RNF38: variants seen among roughly 807,000 people sequenced by gnomAD.
RNF38 encodes ring finger protein 38.
A neutral mutation model predicts 67.2 loss-of-function variants in RNF38; 15 were observed. That is an observed-to-expected ratio of 0.22 (90% CI 0.15 to 0.34). The LOEUF (loss-of-function observed/expected upper bound fraction) is 0.34, where lower values mean the gene tolerates loss of function less well. Ranked by LOEUF, RNF38 falls within the 10% of genes least tolerant of loss-of-function variation. The probability of loss-of-function intolerance (pLI) is 1.00; values close to 1 mark genes in which losing one functional copy is unlikely to be tolerated. For synonymous variants in RNF38, 220 were observed against 218.8 expected, an observed-to-expected ratio of 1.01 and a Z score of -0.05; for missense variants, 524 against 639.9, an observed-to-expected ratio of 0.82 and a Z score of 1.95.
chr9:36,456,068 C>A (rs1839588768), intron 1 of RNF38, among the ~76,000 whole-genome samples: 1 of 151,960 alleles, frequency 6.6e-6, no homozygotes, highest in African/African-American at 2.4e-5. Context: ...GATAACAATC[C>A]AATAAATAAT....
At chr9:36,381,121 T>C (rs943527943) in intron 2 of RNF38, among the ~76,000 whole-genome samples, 1 of 152,192 alleles carries the variant, frequency 6.6e-6, no homozygotes, top group African/African-American at 2.4e-5. Context: ...TCACACCCTA[T>C]TTGGGGTTCA....
Position 36,363,952 on chromosome 9 carries a change from G to C in RNF38, c.570+5767C>G, listed in dbSNP as rs1834746774. ...GGGTTCAAGCATTTCTCCTGCCTCA[G>C]ACTCCCGAGTACCTGGGATAGGCAC... On this transcript the variant is annotated intron_variant, in intron 4 of 11. Coordinates refer to ENST00000259605, the MANE Select transcript of RNF38 (RefSeq NM_022781.5). 2.3e-5 allele frequency among the ~76,000 whole-genome samples: 2 copies of C among 85,190 alleles called. 1 individual carries two copies. The highest frequency in any genetic ancestry group is 2.3e-4 in the Admixed American group (2 of 8,826). 55.9% of individuals were successfully genotyped at this position (85,190 alleles called of 152,430 possible).
At chr9:36,472,388 T>C (rs1054342614) in intron 1 of RNF38, among the ~76,000 whole-genome samples, 1 of 152,216 alleles carries the variant, frequency 6.6e-6, no homozygotes, top group Admixed American at 6.5e-5. Flanking sequence ...CTCTAACCCA[T>C]AGCCCAGGAT....
intron 1 of RNF38, among the ~76,000 whole-genome samples, chr9:36,482,686 CA>C (rs1354647881): frequency 6.6e-6 from 1 of 152,148 alleles, no homozygotes; most frequent in Non-Finnish European, 1.5e-5. Context: ...TTATTCTGTA[CA>C]TATTTCTCCA....
At chr9:36,445,858 T>C (rs1002488170) in intron 1 of RNF38, among the ~76,000 whole-genome samples, 1 of 152,030 alleles carries the variant, frequency 6.6e-6, no homozygotes, top group South Asian at 2.1e-4. Flanking sequence ...TAGGGAAAAA[T>C]GTATTCAGAT....
intron 3 of RNF38, among the ~76,000 whole-genome samples, chr9:36,371,578 C>T (rs1216575634): frequency 6.6e-6 from 1 of 151,648 alleles, no homozygotes; most frequent in Admixed American, 6.6e-5. Context: ...TCCCAAGTAG[C>T]TGGGATTACA....
At chr9:36,435,096 T>C (rs1490878964) in intron 1 of RNF38, among the ~76,000 whole-genome samples, 1 of 152,100 alleles carries the variant, frequency 6.6e-6, no homozygotes, top group Non-Finnish European at 1.5e-5. Context: ...GCCACCACTG[T>C]GGAAAAAAGT....
chr9:36,356,114 T>C (rs1452249251), intron 6 of RNF38, among the ~76,000 whole-genome samples, 189 bp downstream of exon 6: 2 of 152,212 alleles, frequency 1.3e-5, no homozygotes, highest in Non-Finnish European at 2.9e-5. Context: ...CCCAGGGTGC[T>C]GGGATTACAG....
intron 4 of RNF38, among the ~76,000 whole-genome samples, chr9:36,360,080 C>T (rs1834412208): frequency 6.6e-6 from 1 of 151,962 alleles, no homozygotes; most frequent in Non-Finnish European, 1.5e-5. Flanking sequence ...AACATTATGC[C>T]ATTACGTTGA....
chr9:36,343,348 TTTTTGAAGATAA>T (rs1430157291), intron 10 of RNF38, among the ~76,000 whole-genome samples: 1 of 152,186 alleles, frequency 6.6e-6, no homozygotes, highest in Non-Finnish European at 1.5e-5. Context: ...AGAGAAGACA[TTTTTGAAGATAA>T]TTTATCTGGT....
chr9:36,400,734 G>A, upstream of RNF38: 1 of 985,618 alleles, frequency 1.0e-6, no homozygotes, highest in Non-Finnish European at 1.2e-6. Flanking sequence ...CTTCCTCCCG[G>A]CACCATCACA....
chr9:36,474,857 C>T (rs967178692), intron 1 of RNF38, among the ~76,000 whole-genome samples: 2 of 147,594 alleles, frequency 1.4e-5, no homozygotes. Flanking sequence ...AAATCACACA[C>T]AGGGCCGGGC....
intron 2 of RNF38, among the ~76,000 whole-genome samples, chr9:36,422,562 C>G (rs372864132): frequency 4.7e-4 from 71 of 152,360 alleles, no homozygotes; most frequent in Middle Eastern, 3.4e-3. Flanking sequence ...TGCCTAGACA[C>G]ATAGCTACCT....
At chr9:36,452,781 C>T (rs1208411788) in intron 1 of RNF38, among the ~76,000 whole-genome samples, 1 of 152,150 alleles carries the variant, frequency 6.6e-6, no homozygotes, top group Non-Finnish European at 1.5e-5. Flanking sequence ...GATCCGCCTG[C>T]CCTGGCCTTC....
At chr9:36,424,357 C>T (rs924867739) in intron 2 of RNF38, among the ~76,000 whole-genome samples, 1 of 152,134 alleles carries the variant, frequency 6.6e-6, no homozygotes, top group South Asian at 2.1e-4. Context: ...GGAAGCACCA[C>T]GATGGGGACA....
chr9:36,347,150 A>G lies in RNF38; in HGVS notation c.1264-2197T>C, dbSNP rs868754989. On this transcript the variant is annotated intron_variant, in intron 9 of 11. Transcript: ENST00000259605. ...GGGGGGGGGGGGGGGGGGGGGGGGG[A>G]AGTAAATTGCCAAATTGATGGTGAT... Among the ~76,000 whole-genome samples the G allele has an allele frequency of 9.5e-3, 801 of 84,582 alleles. 10 individuals are homozygous for G. Among genetic ancestry groups the G allele is most frequent in the Middle Eastern group, 0.014 (2 of 138 alleles). The allele number at this position is 84,582 out of a possible 152,430, so 55.5% of individuals were successfully genotyped here. A position where few individuals can be genotyped will look rare whatever the true frequency, so the allele number is the denominator to read the frequency against.
chr9:36,473,599 T>TTAAA (rs967751957), intron 1 of RNF38, among the ~76,000 whole-genome samples: 8 of 151,574 alleles, frequency 5.3e-5, no homozygotes, highest in African/African-American at 1.2e-4. Context: ...AAAAAAGATA[T>TTAAA]TAAATAAATA....
rs1382349750 is a variant in RNF38, at chr9:36,423,703, A to AGGTTT, written n.312+909_312+910insAAACC. On this transcript the variant is annotated intron_variant and non_coding_transcript_variant, in intron 2 of 3. Transcript: ENST00000488058. ...GGTGGCTCACGCCTGTAATCCCAGC[A>AGGTTT]CTTTGGGAGGCCGAGGCGGGCGGAT... 9.7e-4 allele frequency among the ~76,000 whole-genome samples: 25 copies of AGGTTT among 25,850 alleles called. 4 individuals carry two copies. Among genetic ancestry groups the AGGTTT allele is most frequent in the South Asian group, 2.3e-3 (2 of 858 alleles). 17.0% of individuals were successfully genotyped at this position (25,850 alleles called of 152,430 possible). A position where few individuals can be genotyped will look rare whatever the true frequency, so the allele number is the denominator to read the frequency against.
chr9:36,390,324 A>T, intron 2 of RNF38, 143 bp downstream of exon 2: 1 of 605,762 alleles, frequency 1.7e-6, no homozygotes, highest in Non-Finnish European at 2.6e-6. Context: ...AAAAAATATT[A>T]AAGTCCTCTA....
Sources: allele counts gnomAD v4.1 joint callset (sites outside exome capture counted in the v4.1 genomes callset), GRCh38; gene constraint gnomAD v4.1.1; transcripts MANE v1.5; gene names NCBI Gene and HGNC (gene_info 2026-07-23, HGNC 2026-07-21).